The following B4GALT1 variants were observed in gnomAD, a reference collection of about 807,000 sequenced individuals.
B4GALT1 encodes N-acetyllactosamine synthase.
In B4GALT1, 16 loss-of-function variants were observed where a neutral mutation model predicts 34.9. That is an observed-to-expected ratio of 0.46 (90% CI 0.31 to 0.70). The LOEUF is 0.70. Ranked by LOEUF, B4GALT1 falls within the 30% of genes least tolerant of loss-of-function variation. The pLI is 0.05. For missense variants in B4GALT1, 445 were observed against 530.5 expected (o/e 0.84, Z 1.58); for synonymous variants, 221 against 218.1 (o/e 1.01, Z -0.12).
the B4GALT1 span, among the ~76,000 whole-genome samples, chr9:33,181,569 C>G: frequency 6.6e-6 from 1 of 152,144 alleles, no homozygotes; most frequent in Admixed American, 6.5e-5. Context: ...GTTAGAGACT[C>G]CCACTCTTCC....
At chr9:33,130,634 G>C (rs1840181110) in intron 2 of B4GALT1, among the ~76,000 whole-genome samples, 1 of 151,204 alleles carries the variant, frequency 6.6e-6, no homozygotes, top group South Asian at 2.1e-4. Flanking sequence ...GCTTACTATA[G>C]ACAGAGTATG....
intron 2 of B4GALT1, among the ~76,000 whole-genome samples, chr9:33,129,589 T>C (rs912026054): frequency 2.0e-5 from 3 of 152,226 alleles, no homozygotes; most frequent in South Asian, 4.1e-4. Flanking sequence ...GTACTGACTA[T>C]GTACCAGCTG....
downstream of B4GALT1, among the ~76,000 whole-genome samples, chr9:33,107,725 G>A (rs557398906): frequency 3.9e-5 from 6 of 152,270 alleles, no homozygotes; most frequent in East Asian, 1.2e-3. Context: ...AAATGGCTGA[G>A]CCTAGGAGCC....
rs150856431 is a variant in B4GALT1, at chr9:33,115,922, C to A, written c.959+69G>T. Reference sequence around the variant, plus strand: ...TGAGGGTCAGTCCTTGGGGAACAACCAAGCATTGGTTAAAAAACTGGAAGT... The same window carrying A: ...TGAGGGTCAGTCCTTGGGGAACAACAAAGCATTGGTTAAAAAACTGGAAGT... On this transcript the variant is annotated intron_variant, in intron 4 of 5. Transcript: ENST00000379731. The A allele has an allele frequency of 5.7e-6, 9 of 1,571,058 alleles. No homozygotes were observed. The East Asian group carries it at 1.9e-4, about 33-fold the overall frequency.
intron 3 of B4GALT1, among the ~76,000 whole-genome samples, chr9:33,117,776 G>A (rs1467566811): frequency 6.6e-6 from 1 of 152,186 alleles, no homozygotes; most frequent in Non-Finnish European, 1.5e-5. Flanking sequence ...CTTAGGTGCT[G>A]AGTCATCCAC....
At chr9:33,158,423 A>C (rs971020867) in intron 1 of B4GALT1, among the ~76,000 whole-genome samples, 1 of 152,126 alleles carries the variant, frequency 6.6e-6, no homozygotes, top group African/African-American at 2.4e-5. Flanking sequence ...TCCTCTGTCC[A>C]TAACAGTCCA....
chr9:33,121,291 C>T (rs1365022328), intron 2 of B4GALT1, among the ~76,000 whole-genome samples: 1 of 152,236 alleles, frequency 6.6e-6, no homozygotes, highest in African/African-American at 2.4e-5. Context: ...AAGAGGGACA[C>T]CTGCTTCAGG....
the B4GALT1 span, among the ~76,000 whole-genome samples, chr9:33,180,548 A>G: frequency 2.6e-5 from 4 of 152,248 alleles, no homozygotes; most frequent in African/African-American, 9.6e-5. Flanking sequence ...CTATTAAAAC[A>G]GTCAATTATA....
intron 1 of B4GALT1, among the ~76,000 whole-genome samples, chr9:33,147,543 G>A (rs1840447115): frequency 6.6e-6 from 1 of 152,030 alleles, no homozygotes; most frequent in Non-Finnish European, 1.5e-5. Context: ...CCCCATGCCC[G>A]GCCAAGTCAT....
the B4GALT1 span, among the ~76,000 whole-genome samples, chr9:33,181,485 T>G: frequency 6.7e-6 from 1 of 149,862 alleles, no homozygotes; most frequent in African/African-American, 2.5e-5. Context: ...AAGAGTGTAG[T>G]TTGCAGAATC....
Position 33,113,319 on chromosome 9 carries a change from G to T in B4GALT1, c.*135C>A. On this transcript the variant is annotated 3_prime_UTR_variant, in exon 6 of 6. Transcript: ENST00000379731. ...CCCACTCGTCCTGGTCATCTGGAAA[G>T]CCATCTGAATGATGAGCGAAGGGGA... 1 of 1,336,714 alleles carries T rather than the reference G, an allele frequency of 7.5e-7. No individual in the cohort carries two copies. The highest frequency in any genetic ancestry group is 1.1e-6 in the Non-Finnish European group (1 of 933,330). The allele number at this position is 1,336,714 out of a possible 1,614,324, so 82.8% of individuals were successfully genotyped here.
chr9:33,135,503 C>G, intron 1 of B4GALT1, 79 bp from the exon 2 acceptor site: 1 of 1,326,544 alleles, frequency 7.5e-7, no homozygotes, highest in Non-Finnish European at 1.1e-6. Flanking sequence ...GATGGCCAGG[C>G]TGCAGCTGCA....
chr9:33,183,142 C>T, the B4GALT1 span, among the ~76,000 whole-genome samples: 2 of 152,194 alleles, frequency 1.3e-5, no homozygotes, highest in South Asian at 4.1e-4. Context: ...AGTAGTGTGA[C>T]GAAATCTTGC....
rs1468580496 is a variant in B4GALT1 at position 33,157,576 on chromosome 9, CTGCATTGGAATATA to C, written c.412+9168_412+9181del. Among the ~76,000 whole-genome samples the C allele has an allele frequency of 5.3e-5, 8 of 152,304 alleles. No homozygotes were observed. In the Middle Eastern group the frequency reaches 0.01, roughly 194 times the overall value. ...GCATGCAAACAGTTTCACTCTACAA[CTGCATTGGAATATA>C]TGCATTGGAATATGTATGCATTTGA... On this transcript the variant is annotated intron_variant, in intron 1 of 5. Coordinates refer to ENST00000379731, the MANE Select transcript of B4GALT1 (RefSeq NM_001497.4).
At chr9:33,173,255 G>A in the B4GALT1 span, among the ~76,000 whole-genome samples, 4 of 151,990 alleles carry the variant, frequency 2.6e-5, no homozygotes. Flanking sequence ...AATACAAAAA[G>A]TAGCTGGGCT....
the B4GALT1 span, among the ~76,000 whole-genome samples, chr9:33,181,178 A>G: frequency 6.6e-6 from 1 of 152,248 alleles, no homozygotes; most frequent in Middle Eastern, 3.4e-3. Flanking sequence ...TCAGCACTTC[A>G]AGAGGCTGAG....
chr9:33,183,297 G>A, the B4GALT1 span, among the ~76,000 whole-genome samples: 1 of 151,750 alleles, frequency 6.6e-6, no homozygotes, highest in Non-Finnish European at 1.5e-5. Flanking sequence ...GATACCCAAA[G>A]GACTATAAAT....
intron 1 of B4GALT1, among the ~76,000 whole-genome samples, chr9:33,139,630 C>T (rs1840319654): frequency 6.6e-6 from 1 of 152,248 alleles, no homozygotes; most frequent in Admixed American, 6.5e-5. Context: ...TGCTCTGCTA[C>T]ACACCTGGCT....
chr9:33,182,057 AT>A, the B4GALT1 span, among the ~76,000 whole-genome samples: 17 of 150,640 alleles, frequency 1.1e-4, no homozygotes, highest in South Asian at 6.3e-4. Flanking sequence ...ATTTAAAAAA[AT>A]TTTTTTTTGT....
Sources: allele counts gnomAD v4.1 joint callset (sites outside exome capture counted in the v4.1 genomes callset), GRCh38; gene constraint gnomAD v4.1.1; transcripts MANE v1.5; gene names NCBI Gene and HGNC (gene_info 2026-07-23, HGNC 2026-07-21).